Variants in DTNA observed in about 807,000 individuals in gnomAD.
DTNA encodes dystrophin-related protein 3.
DTNA carries 43 observed loss-of-function variants against 100.7 expected under a neutral mutation model. That is an observed-to-expected ratio of 0.43 (90% CI 0.33 to 0.55). The LOEUF (loss-of-function observed/expected upper bound fraction) is 0.55, where lower values mean the gene tolerates loss of function less well. DTNA is among the 20% of genes least tolerant of loss of function. The pLI is 0.04. For synonymous variants in DTNA, 349 were observed against 347.9 expected (o/e 1.00, Z -0.04); for missense variants, 798 against 953.9 (o/e 0.84, Z 2.15).
intron 8 of DTNA, 81 bp from the exon 9 acceptor site, chr18:34,820,706 ATATC>A: frequency 6.3e-7 from 1 of 1,591,050 alleles, no homozygotes; most frequent in East Asian, 2.3e-5. Context: ...CCGTAAATGA[ATATC>A]TATTATGAAA....
Position 34,581,773 on chromosome 18 carries a change from A to T in DTNA, c.-2+88259A>T, listed in dbSNP as rs113122635. On this transcript the variant is annotated intron_variant, in intron 1 of 19. Transcript: ENST00000283365. ...CAAGTAGCTGGGACTACAGGTGCAC[A>T]CCACCATGCCCCGCTAATTTTTGTA... is the stretch of plus-strand genomic sequence containing the variant. Among the ~76,000 whole-genome samples the T allele has an allele frequency of 2.6e-3, 389 of 151,888 alleles. 4 individuals are homozygous for T. Among genetic ancestry groups the T allele is most frequent in the African/African-American group, 8.7e-3 (361 of 41,392 alleles).
chr18:34,867,049 T>A, intron 17 of DTNA: 1 of 1,228,650 alleles, frequency 8.1e-7, no homozygotes, highest in Non-Finnish European at 1.0e-6. Context: ...AGCTTTAATT[T>A]CAAGTGCATG....
At chr18:34,779,566 A>T (rs1412891379) in intron 3 of DTNA, among the ~76,000 whole-genome samples, 1 of 152,184 alleles carries the variant, frequency 6.6e-6, no homozygotes, top group African/African-American at 2.4e-5. Flanking sequence ...CATGGTCTGT[A>T]CAACTTACTT....
intron 22 of DTNA, among the ~76,000 whole-genome samples, chr18:34,886,150 T>C (rs1393258885): frequency 6.6e-6 from 1 of 152,234 alleles, no homozygotes; most frequent in African/African-American, 2.4e-5. Flanking sequence ...TAAATATCTG[T>C]TAAGTGACAT....
At chr18:34,822,842 G>A (rs1372517588) in intron 9 of DTNA, among the ~76,000 whole-genome samples, 6 of 137,616 alleles carry the variant, frequency 4.4e-5, no homozygotes, top group Admixed American at 3.5e-4. Context: ...TGTACAAAAT[G>A]TGTCTTCTGA....
At chr18:34,650,346 A>G (rs1182429962) in intron 1 of DTNA, among the ~76,000 whole-genome samples, 2 of 152,138 alleles carry the variant, frequency 1.3e-5, no homozygotes, top group Non-Finnish European at 2.9e-5. Context: ...ATGAAGTTCC[A>G]GATACATGAA....
At chr18:34,594,871 C>T (rs972063168) in intron 1 of DTNA, among the ~76,000 whole-genome samples, 6 of 152,086 alleles carry the variant, frequency 3.9e-5, no homozygotes, top group South Asian at 2.1e-4. Flanking sequence ...TCAGCGCCCC[C>T]GTTTTCTTGT....
chr18:34,560,938 A>T (rs987696507), intron 1 of DTNA, among the ~76,000 whole-genome samples: 1 of 152,194 alleles, frequency 6.6e-6, no homozygotes, highest in Non-Finnish European at 1.5e-5. Flanking sequence ...TAAAATTTGA[A>T]TAACGTTTCT....
At chr18:34,676,632 C>A (rs570447973) in intron 1 of DTNA, among the ~76,000 whole-genome samples, 1 of 152,098 alleles carries the variant, frequency 6.6e-6, no homozygotes, top group South Asian at 2.1e-4. Context: ...CTCAGATGTT[C>A]GAGACCAGCC....
chr18:34,533,247 C>T (rs973458189), intron 1 of DTNA, among the ~76,000 whole-genome samples: 1 of 151,960 alleles, frequency 6.6e-6, no homozygotes, highest in Non-Finnish European at 1.5e-5. Flanking sequence ...TGGCAGGCAC[C>T]TGTAATCCCA....
chr18:34,571,587 C>CA (rs575278971), intron 1 of DTNA, among the ~76,000 whole-genome samples: 235 of 150,442 alleles, frequency 1.6e-3, no homozygotes, highest in African/African-American at 4.7e-3. Flanking sequence ...GACAAACAAA[C>CA]AAAAAAAAAG....
intron 1 of DTNA, among the ~76,000 whole-genome samples, chr18:34,499,818 G>GT (rs1199901233): frequency 1.3e-5 from 2 of 152,014 alleles, no homozygotes; most frequent in Non-Finnish European, 2.9e-5. Context: ...TTGTTTGGGA[G>GT]TTTTTTATGC....
At chr18:34,520,537 C>G (rs558535885) in intron 1 of DTNA, among the ~76,000 whole-genome samples, 4 of 152,218 alleles carry the variant, frequency 2.6e-5, no homozygotes, top group African/African-American at 9.6e-5. Context: ...GCCTGTAATT[C>G]CAGCTACTAG....
chr18:34,855,113 T>C (rs2096537167), intron 15 of DTNA, among the ~76,000 whole-genome samples: 1 of 152,054 alleles, frequency 6.6e-6, no homozygotes, highest in Admixed American at 6.6e-5. Flanking sequence ...AGTTGGGAGA[T>C]AGAATTAAAG....
intron 1 of DTNA, among the ~76,000 whole-genome samples, chr18:34,650,626 A>G (rs953429635): frequency 3.9e-5 from 6 of 152,170 alleles, no homozygotes; most frequent in Non-Finnish European, 7.3e-5. Context: ...TTAGCATTCA[A>G]TAAACATTTA....
intron 1 of DTNA, among the ~76,000 whole-genome samples, chr18:34,718,301 G>A (rs1178150896): frequency 3.3e-5 from 5 of 152,166 alleles, no homozygotes; most frequent in Admixed American, 6.5e-5. Context: ...TAATATTTAT[G>A]AGACTTCCTC....
chr18:34,586,598 A>G (rs2049161847), intron 1 of DTNA, among the ~76,000 whole-genome samples: 1 of 152,176 alleles, frequency 6.6e-6, no homozygotes, highest in Non-Finnish European at 1.5e-5. Context: ...CTGTTATTAC[A>G]CAAAACAGAA....
chr18:34,515,601 T>G (rs905223990), intron 1 of DTNA, among the ~76,000 whole-genome samples: 4 of 152,140 alleles, frequency 2.6e-5, no homozygotes. Flanking sequence ...TGTTCTCTAC[T>G]ACTTGTGTTT....
At chr18:34,779,751 T>A (rs2094232396) in intron 3 of DTNA, among the ~76,000 whole-genome samples, 1 of 152,194 alleles carries the variant, frequency 6.6e-6, no homozygotes, top group Non-Finnish European at 1.5e-5. Flanking sequence ...CTTGGCACTA[T>A]CTTTGCATTT....
Sources: gnomAD v4.1 joint callset for allele counts (sites outside exome capture counted in the v4.1 genomes callset) on GRCh38, gnomAD v4.1.1 for gene constraint, MANE v1.5 for transcripts, NCBI Gene and HGNC (gene_info 2026-07-23, HGNC 2026-07-21) for gene names.